The following CCDC85A variants were observed in gnomAD, a reference collection of about 807,000 sequenced individuals.
CCDC85A encodes the protein coiled-coil domain-containing protein 85A.
Under a neutral mutation model 50.2 loss-of-function variants are expected in CCDC85A, and 38 were observed. That is an observed-to-expected ratio of 0.76 (90% CI 0.58 to 0.99). The LOEUF is 0.99. Among genes scored for constraint, CCDC85A ranks in the 50% least tolerant of loss-of-function variants. The probability of loss-of-function intolerance (pLI) is 0.00; values close to 1 mark genes in which losing one functional copy is unlikely to be tolerated. For missense variants in CCDC85A, 820 were observed against 742.0 expected (o/e 1.11, Z -1.22); for synonymous variants, 366 against 301.4 (o/e 1.21, Z -2.22).
chr2:56,284,461 C>T (rs13429018), intron 2 of CCDC85A, among the ~76,000 whole-genome samples: 13,063 of 152,136 alleles, frequency 0.086, 1,820 homozygotes, highest in African/African-American at 0.29. Context: ...CAACCTCAGC[C>T]TTCCAGATTC....
intron 2 of CCDC85A, among the ~76,000 whole-genome samples, chr2:56,248,255 T>A (rs1373646220): frequency 6.6e-6 from 1 of 152,154 alleles, no homozygotes; most frequent in Non-Finnish European, 1.5e-5. Flanking sequence ...ATGGAAGATG[T>A]ATTCTGGGGT....
chr2:56,349,861 A>G (rs1279325343), intron 3 of CCDC85A, among the ~76,000 whole-genome samples: 1 of 151,988 alleles, frequency 6.6e-6, no homozygotes, highest in Non-Finnish European at 1.5e-5. Flanking sequence ...TGTAATAGCC[A>G]TAAAAATGTA....
intron 2 of CCDC85A, among the ~76,000 whole-genome samples, chr2:56,212,239 T>G (rs1677209598): frequency 6.6e-6 from 1 of 152,092 alleles, no homozygotes; most frequent in Non-Finnish European, 1.5e-5. Context: ...TCCATAGTAT[T>G]TATCCCAGTA....
intron 2 of CCDC85A, among the ~76,000 whole-genome samples, chr2:56,332,637 GTCTCTGTC>G (rs1673868489): frequency 2.6e-5 from 4 of 151,892 alleles, no homozygotes; most frequent in Admixed American, 2.6e-4. Flanking sequence ...CTCACTGTCT[GTCTCTGTC>G]TCTCTATCTC....
intron 3 of CCDC85A, among the ~76,000 whole-genome samples, chr2:56,354,914 C>T (rs966460908): frequency 2.6e-5 from 4 of 152,140 alleles, no homozygotes; most frequent in African/African-American, 7.2e-5. Context: ...GTAAACATAG[C>T]GTTACTGAGT....
At chr2:56,369,919 G>A (rs543249886) in intron 3 of CCDC85A, among the ~76,000 whole-genome samples, 74 of 152,184 alleles carry the variant, frequency 4.9e-4, no homozygotes, top group African/African-American at 1.8e-3. Context: ...CAGTTATAGC[G>A]AAACTTAAAG....
chr2:56,260,259 T>C lies in CCDC85A; in HGVS notation c.1240+66819T>C, dbSNP rs116239188. On this transcript the variant is annotated intron_variant, in intron 2 of 5. Coordinates refer to ENST00000407595, the MANE Select transcript of CCDC85A (RefSeq NM_001080433.2). ...AACTCATGCTGTCCCTGAAACACCA[T>C]TGGTCTCCTGCTGGAGTAGTGATTT... Among the ~76,000 whole-genome samples the C allele has an allele frequency of 2.7e-3, 411 of 152,248 alleles. 3 individuals are homozygous for C. The highest frequency in any genetic ancestry group is 9.3e-3 in the African/African-American group (386 of 41,554).
intron 2 of CCDC85A, among the ~76,000 whole-genome samples, chr2:56,260,166 G>A (rs985966327): frequency 2.6e-5 from 4 of 152,194 alleles, no homozygotes; most frequent in Non-Finnish European, 4.4e-5. Context: ...AAATCAGTGT[G>A]CATCTTGGAG....
chr2:56,380,708 T>C (rs17268820), intron 5 of CCDC85A, among the ~76,000 whole-genome samples: 10,207 of 152,252 alleles, frequency 0.067, 424 homozygotes, highest in Non-Finnish European at 0.095. Context: ...CTTGGATTTT[T>C]ACTATTAATC....
intron 2 of CCDC85A, among the ~76,000 whole-genome samples, chr2:56,246,479 T>A (rs975881418): frequency 2.0e-5 from 3 of 152,194 alleles, no homozygotes; most frequent in Admixed American, 6.5e-5. Flanking sequence ...TATGTTTTCT[T>A]CTAAAAGTTT....
chr2:56,287,057 C>T (rs1671477683), intron 2 of CCDC85A, among the ~76,000 whole-genome samples: 1 of 152,224 alleles, frequency 6.6e-6, no homozygotes, highest in African/African-American at 2.4e-5. Flanking sequence ...TCTTTCCACT[C>T]TGACTGAACC....
In CCDC85A at chr2:56,205,361, T is replaced by A. The variant is rs183469631; in HGVS notation, c.1240+11921T>A. On this transcript the variant is annotated intron_variant, in intron 2 of 5. Transcript: ENST00000407595. ...TCTTTGGCACTTTACTTCTATTACT[T>A]TACAGCTGACATTTGAACTAGTTTG... Among the ~76,000 whole-genome samples, 773 of 152,226 alleles carry A rather than the reference T, an allele frequency of 5.1e-3. 3 individuals are homozygous for A. Among genetic ancestry groups the A allele is most frequent in the Admixed American group, 9.9e-3 (151 of 15,278 alleles).
At chr2:56,233,672 G>C (rs1293057428) in intron 2 of CCDC85A, among the ~76,000 whole-genome samples, 1 of 152,176 alleles carries the variant, frequency 6.6e-6, no homozygotes, top group East Asian at 1.9e-4. Context: ...GTTGGATTTA[G>C]CCCAAGGGCT....
chr2:56,247,919 G>T (rs1241601874), intron 2 of CCDC85A, among the ~76,000 whole-genome samples: 7 of 152,290 alleles, frequency 4.6e-5, no homozygotes, highest in African/African-American at 1.4e-4. Context: ...ATTTAGAGAG[G>T]CCCAAGCCAT....
At chr2:56,377,872 T>C (rs1238847585) in intron 5 of CCDC85A, among the ~76,000 whole-genome samples, 1 of 148,066 alleles carries the variant, frequency 6.8e-6, no homozygotes, top group Non-Finnish European at 1.5e-5. Flanking sequence ...TGGGTGACAG[T>C]GTGAAACTCC....
intron 2 of CCDC85A, among the ~76,000 whole-genome samples, chr2:56,278,272 CT>C (rs201042562): frequency 6.7e-5 from 10 of 149,282 alleles, no homozygotes; most frequent in South Asian, 2.1e-4. Flanking sequence ...ATGAACTGGA[CT>C]TTTTTTTTTC....
intron 2 of CCDC85A, among the ~76,000 whole-genome samples, chr2:56,326,035 A>G (rs1048200471): frequency 6.6e-6 from 1 of 152,122 alleles, no homozygotes; most frequent in Non-Finnish European, 1.5e-5. Flanking sequence ...GAGGGTTTAA[A>G]TCAAGCAGAC....
At chr2:56,333,197 T>C (rs553378434) in intron 2 of CCDC85A, among the ~76,000 whole-genome samples, 1 of 151,346 alleles carries the variant, frequency 6.6e-6, no homozygotes, top group Non-Finnish European at 1.5e-5. Flanking sequence ...AGATCAGGAG[T>C]GTGGGTTGGA....
chr2:56,233,217 T>C (rs1054849811), intron 2 of CCDC85A, among the ~76,000 whole-genome samples: 3 of 152,200 alleles, frequency 2.0e-5, no homozygotes, highest in Admixed American at 1.3e-4. Flanking sequence ...TTGATAGTAC[T>C]TTCCCGGATA....
Sources: gnomAD v4.1 joint callset for allele counts (sites outside exome capture counted in the v4.1 genomes callset) on GRCh38, gnomAD v4.1.1 for gene constraint, MANE v1.5 for transcripts, NCBI Gene and HGNC (gene_info 2026-07-23, HGNC 2026-07-21) for gene names.